STIM1: variants seen among roughly 807,000 people sequenced by gnomAD.
STIM1 encodes the protein stromal interaction molecule 1.
Under a neutral mutation model 74.7 loss-of-function variants are expected in STIM1, and 25 were observed. That is an observed-to-expected ratio of 0.33 (90% CI 0.24 to 0.47). The LOEUF (loss-of-function observed/expected upper bound fraction) is 0.47. Among genes scored for constraint, STIM1 ranks in the 20% least tolerant of loss-of-function variants. The pLI is 1.00. For synonymous variants in STIM1, 328 were observed against 348.8 expected (o/e 0.94, Z 0.66); for missense variants, 728 against 920.8 (o/e 0.79, Z 2.71).
chr11:4,002,902 G>A (rs796414045), intron 2 of STIM1, among the ~76,000 whole-genome samples: 2 of 132,568 alleles, frequency 1.5e-5, no homozygotes, highest in African/African-American at 5.3e-5. Context: ...ATGATAAAGG[G>A]GATATCACCA....
chr11:4,069,040 A>T (rs988659383), intron 5 of STIM1, among the ~76,000 whole-genome samples: 1 of 151,868 alleles, frequency 6.6e-6, no homozygotes, highest in African/African-American at 2.4e-5. Context: ...TCTTTCTCTG[A>T]CTCCCACATC....
intron 1 of STIM1, chr11:3,892,690 G>A: frequency 6.2e-7 from 1 of 1,612,790 alleles, no homozygotes; most frequent in Non-Finnish European, 8.5e-7. Context: ...GGTGTGTGAA[G>A]TCACCACCCT....
chr11:3,922,951 T>A (rs935146291), intron 1 of STIM1, among the ~76,000 whole-genome samples: 1 of 151,738 alleles, frequency 6.6e-6, no homozygotes, highest in African/African-American at 2.4e-5. Flanking sequence ...TACAAAAAAT[T>A]AGCCAGGCAT....
chr11:3,975,910 G>A (rs11030453), intron 2 of STIM1, among the ~76,000 whole-genome samples: 4,413 of 152,290 alleles, frequency 0.029, 184 homozygotes, highest in East Asian at 0.18. Context: ...AGATGATACC[G>A]CCAGTCTGGA....
chr11:4,015,219 C>T (rs898701721), intron 2 of STIM1, among the ~76,000 whole-genome samples: 8 of 152,338 alleles, frequency 5.3e-5, no homozygotes, highest in South Asian at 4.1e-4. Flanking sequence ...GTGCTTCCTT[C>T]AGGAGCTCTT....
chr11:4,047,857 C>T lies in STIM1; in HGVS notation c.386-7669C>T, dbSNP rs1315963471. On this transcript the variant is annotated intron_variant, in intron 3 of 12. Coordinates refer to ENST00000526596, the MANE Select transcript of STIM1 (RefSeq NM_001382567.1). ...TTTTTGAGATGGAGTCTCACTCTGT[C>T]ACCCAGGCTGGAGTGCCATGGCGTG... Among the ~76,000 whole-genome samples, 3 of 146,308 alleles carry T rather than the reference C, an allele frequency of 2.1e-5. No homozygotes were observed. The Admixed American group carries it at 2.1e-4, about 10-fold the overall frequency.
intron 1 of STIM1, among the ~76,000 whole-genome samples, chr11:3,967,306 G>C (rs533429464): frequency 1.6e-4 from 25 of 152,250 alleles, no homozygotes; most frequent in Non-Finnish European, 2.2e-4. Context: ...TATACTCCCA[G>C]TCCTATGCAA....
At chr11:4,072,901 G>A (rs977530376) in intron 6 of STIM1, among the ~76,000 whole-genome samples, 28 of 152,210 alleles carry the variant, frequency 1.8e-4, no homozygotes, top group African/African-American at 6.7e-4. Flanking sequence ...TCATTTTCAG[G>A]GGGTTCAACT....
At chr11:3,988,601 A>ATACT (rs1565138162) in intron 2 of STIM1, among the ~76,000 whole-genome samples, 1 of 152,178 alleles carries the variant, frequency 6.6e-6, no homozygotes, top group East Asian at 1.9e-4. Flanking sequence ...AATAGCATGT[A>ATACT]TACTACATAT....
intron 3 of STIM1, among the ~76,000 whole-genome samples, chr11:4,055,032 A>T (rs538312393): frequency 6.6e-6 from 1 of 152,328 alleles, no homozygotes; most frequent in East Asian, 1.9e-4. Context: ...TAGTCCCCTT[A>T]TGAATGCTCA....
chr11:3,893,334 T>C (rs2091953213), intron 1 of STIM1, among the ~76,000 whole-genome samples: 1 of 152,246 alleles, frequency 6.6e-6, no homozygotes, highest in African/African-American at 2.4e-5. Context: ...TTTCAGTATT[T>C]TAACAAGCCT....
At chr11:4,035,149 A>T (rs910058225) in intron 3 of STIM1, among the ~76,000 whole-genome samples, 2 of 151,938 alleles carry the variant, frequency 1.3e-5, no homozygotes, top group Non-Finnish European at 2.9e-5. Flanking sequence ...TAGTTTGGTA[A>T]GGTGAAAACT....
intron 3 of STIM1, among the ~76,000 whole-genome samples, chr11:4,043,571 T>C (rs2094165315): frequency 6.6e-6 from 1 of 152,242 alleles, no homozygotes; most frequent in Non-Finnish European, 1.5e-5. Context: ...GTGGTATTTA[T>C]GTTGTACTTA....
chr11:4,074,369 A>G (rs1565167879), intron 6 of STIM1, 133 bp from the exon 7 acceptor site: 1 of 1,083,130 alleles, frequency 9.2e-7, no homozygotes, highest in Non-Finnish European at 1.4e-6. Flanking sequence ...TCAGAGCCAG[A>G]CACACAGCAG....
Position 3,870,941 on chromosome 11 carries a change from C to T in STIM1, c.139+14532C>T, listed in dbSNP as rs1224760281. Among the ~76,000 whole-genome samples, 4 of 142,566 alleles carry T rather than the reference C, an allele frequency of 2.8e-5. 1 individual carries two copies. The highest frequency in any genetic ancestry group is 1.1e-4 in the African/African-American group (4 of 37,508). 93.5% of individuals were successfully genotyped at this position (142,566 alleles called of 152,430 possible). A position where few individuals can be genotyped will look rare whatever the true frequency, so the allele number is the denominator to read the frequency against. ...AGGCTGGAGTGCAGTGGTGCGATCTCGGCTCACTGCAACCTCTGCCTCCTG... is the reference window on the plus strand; with the variant it reads ...AGGCTGGAGTGCAGTGGTGCGATCTTGGCTCACTGCAACCTCTGCCTCCTG... On this transcript the variant is annotated intron_variant, in intron 1 of 12. Coordinates refer to ENST00000526596, the MANE Select transcript of STIM1 (RefSeq NM_001382567.1).
chr11:3,904,281 C>T (rs886163356), intron 1 of STIM1, among the ~76,000 whole-genome samples: 11 of 151,126 alleles, frequency 7.3e-5, no homozygotes, highest in Admixed American at 4.6e-4. Flanking sequence ...AAAGATGCCA[C>T]CCTGTAAGGA....
chr11:3,923,365 A>G (rs980212330), intron 1 of STIM1, among the ~76,000 whole-genome samples: 10 of 151,888 alleles, frequency 6.6e-5, no homozygotes, highest in Non-Finnish European at 1.2e-4. Context: ...TCCCAGCACT[A>G]TGGGAGGTTG....
At chr11:4,065,470 C>CTTT (rs80064284) in intron 5 of STIM1, among the ~76,000 whole-genome samples, 1 of 143,256 alleles carries the variant, frequency 7.0e-6, no homozygotes. Context: ...GCCCTTTGTA[C>CTTT]TTTTTTTTTT....
intron 2 of STIM1, among the ~76,000 whole-genome samples, chr11:4,005,901 A>ACT (rs2093775298): frequency 6.6e-6 from 1 of 152,156 alleles, no homozygotes; most frequent in African/African-American, 2.4e-5. Context: ...ATGTCCTAGA[A>ACT]CTCTGTAAAT....
Sources: allele counts gnomAD v4.1 joint callset (sites outside exome capture counted in the v4.1 genomes callset), GRCh38; gene constraint gnomAD v4.1.1; transcripts MANE v1.5; gene names NCBI Gene and HGNC (gene_info 2026-07-23, HGNC 2026-07-21).